Variants in RNF217 observed in about 807,000 individuals in gnomAD.
RNF217 encodes the protein ring finger protein 217, also known as E3 ubiquitin-protein ligase RNF217.
Under a neutral mutation model 57.8 loss-of-function variants are expected in RNF217, and 31 were observed. The observed-to-expected ratio is 0.54, with a 90% CI of 0.40 to 0.72. The LOEUF (loss-of-function observed/expected upper bound fraction) is 0.72. Among genes scored for constraint, RNF217 ranks in the 30% least tolerant of loss-of-function variants. The pLI, the probability that RNF217 is intolerant of heterozygous loss-of-function variation, is 0.00. For missense variants in RNF217, 696 were observed against 708.3 expected (o/e 0.98, Z 0.20); for synonymous variants, 313 against 294.0 (o/e 1.06, Z -0.66).
chr6:125,042,173 A>G (rs998781717), intron 1 of RNF217, among the ~76,000 whole-genome samples: 8 of 152,130 alleles, frequency 5.3e-5, no homozygotes, highest in Non-Finnish European at 1.0e-4. Context: ...ACACTATATT[A>G]TGAAAAAGAG....
At chr6:125,026,526 A>G (rs1786089124) in intron 1 of RNF217, among the ~76,000 whole-genome samples, 1 of 152,250 alleles carries the variant, frequency 6.6e-6, no homozygotes, top group Non-Finnish European at 1.5e-5. Flanking sequence ...TCAAGCCTTT[A>G]GAGCATTGAG....
At chr6:125,045,938 C>A (rs1478764626) in intron 2 of RNF217, among the ~76,000 whole-genome samples, 2 of 151,798 alleles carry the variant, frequency 1.3e-5, no homozygotes, top group East Asian at 3.9e-4. Flanking sequence ...GATACAGTCC[C>A]TGCTTCAAAA....
intron 1 of RNF217, among the ~76,000 whole-genome samples, chr6:125,002,789 C>T (rs950964206): frequency 1.3e-5 from 2 of 152,114 alleles, no homozygotes; most frequent in Non-Finnish European, 2.9e-5. Context: ...TAACTAAGTA[C>T]TTACTGTGTA....
At chr6:124,970,443 G>A (rs959884431) in intron 1 of RNF217, among the ~76,000 whole-genome samples, 4 of 152,182 alleles carry the variant, frequency 2.6e-5, no homozygotes, top group Admixed American at 6.5e-5. Flanking sequence ...CATGAGTCAG[G>A]TTCTGAGCTC....
At chr6:125,054,341 G>A (rs1787442105) in intron 2 of RNF217, among the ~76,000 whole-genome samples, 1 of 152,168 alleles carries the variant, frequency 6.6e-6, no homozygotes, top group African/African-American at 2.4e-5. Context: ...AAGGCTCCAT[G>A]GGGAGCAGGA....
At chr6:125,046,454 T>A (rs149543950) in intron 2 of RNF217, 1 of 386,710 alleles carries the variant, frequency 2.6e-6, no homozygotes, top group Non-Finnish European at 5.1e-6. Context: ...AGAACTTCCA[T>A]GACACACCAG....
chr6:124,966,777 A>G (rs986203027), intron 1 of RNF217, among the ~76,000 whole-genome samples: 12 of 152,226 alleles, frequency 7.9e-5, no homozygotes, highest in African/African-American at 2.9e-4. Flanking sequence ...TTTAGACAGT[A>G]TGTTTTCAGC....
intron 1 of RNF217, among the ~76,000 whole-genome samples, chr6:125,030,787 A>G (rs1786322054): frequency 6.6e-6 from 1 of 151,928 alleles, no homozygotes; most frequent in African/African-American, 2.4e-5. Context: ...CGGTGGATGT[A>G]CCATTCTGGG....
In RNF217 at chr6:125,090,064, A is replaced by G. The variant is rs1041925650; in HGVS notation, c.*7127A>G. 1.3e-5 allele frequency: 2 copies of G among 152,048 alleles called. No homozygotes were observed. Among genetic ancestry groups the G allele is most frequent in the Non-Finnish European group, 2.9e-5 (2 of 67,988 alleles). The allele number at this position is 152,048 out of a possible 1,614,324, so 9.4% of individuals were successfully genotyped here. Reference sequence around the variant, plus strand: ...TTAAGTGTCATATGGCAACTCCTCAATAGCTTACTTTTATTATTTGATCAT... The same window carrying G: ...TTAAGTGTCATATGGCAACTCCTCAGTAGCTTACTTTTATTATTTGATCAT... On this transcript the variant is annotated 3_prime_UTR_variant, in exon 6 of 6. Coordinates refer to ENST00000521654, the MANE Select transcript of RNF217 (RefSeq NM_001286398.3).
At chr6:125,060,016 T>C (rs1041183805) in intron 3 of RNF217, among the ~76,000 whole-genome samples, 29 of 152,190 alleles carry the variant, frequency 1.9e-4, no homozygotes, top group African/African-American at 7.0e-4. Context: ...TCATTTTTCT[T>C]TCTCTTTTAA....
intron 1 of RNF217, among the ~76,000 whole-genome samples, chr6:124,984,485 G>T (rs1421761723): frequency 6.6e-6 from 1 of 150,834 alleles, no homozygotes; most frequent in Admixed American, 6.6e-5. Flanking sequence ...TGAGGTCAAG[G>T]CTGCAGTGCG....
intron 1 of RNF217, among the ~76,000 whole-genome samples, chr6:124,989,323 C>T (rs577669566): frequency 6.6e-6 from 1 of 152,310 alleles, no homozygotes; most frequent in East Asian, 1.9e-4. Flanking sequence ...AAATAATCCA[C>T]ACTCCATTGT....
At chr6:125,079,990 C>T (rs182240386) in intron 4 of RNF217, among the ~76,000 whole-genome samples, 3 of 152,038 alleles carry the variant, frequency 2.0e-5, no homozygotes, top group East Asian at 1.9e-4. Flanking sequence ...TTTCCTATCT[C>T]GTTCCTTCAA....
intron 1 of RNF217, among the ~76,000 whole-genome samples, chr6:125,026,942 A>G (rs1786115589): frequency 6.6e-6 from 1 of 152,092 alleles, no homozygotes; most frequent in Admixed American, 6.5e-5. Context: ...TAATATATTA[A>G]TGTTTATTAT....
At chr6:124,999,128 T>C (rs1784871503) in intron 1 of RNF217, among the ~76,000 whole-genome samples, 1 of 152,236 alleles carries the variant, frequency 6.6e-6, no homozygotes, top group African/African-American at 2.4e-5. Context: ...AAAAACATAC[T>C]GTGTATTATA....
At chr6:125,038,155 A>AT (rs1786722006) in intron 1 of RNF217, among the ~76,000 whole-genome samples, 1 of 152,094 alleles carries the variant, frequency 6.6e-6, no homozygotes, top group Non-Finnish European at 1.5e-5. Flanking sequence ...GAGTTAAGCA[A>AT]TTTTTTCCTT....
At chr6:125,061,302 C>T (rs574212841) in intron 3 of RNF217, among the ~76,000 whole-genome samples, 1 of 151,836 alleles carries the variant, frequency 6.6e-6, no homozygotes, top group South Asian at 2.1e-4. Context: ...AGTTTGAGGA[C>T]CTGTTTCAGT....
intron 1 of RNF217, among the ~76,000 whole-genome samples, chr6:125,036,015 C>T (rs191257926): frequency 7.9e-5 from 12 of 151,920 alleles, no homozygotes; most frequent in African/African-American, 1.9e-4. Context: ...CCCATCAACC[C>T]GTCATCTAGG....
At chr6:125,037,022 C>T (rs1206452803) in intron 1 of RNF217, among the ~76,000 whole-genome samples, 2 of 147,672 alleles carry the variant, frequency 1.4e-5, no homozygotes, top group Admixed American at 6.9e-5. Flanking sequence ...GACAGGGTGG[C>T]GATTCTTCAA....
Sources: gnomAD v4.1 joint callset for allele counts (sites outside exome capture counted in the v4.1 genomes callset) on GRCh38, gnomAD v4.1.1 for gene constraint, MANE v1.5 for transcripts, NCBI Gene and HGNC (gene_info 2026-07-23, HGNC 2026-07-21) for gene names.